BCAS1: variants seen among roughly 807,000 people sequenced by gnomAD.
The protein encoded by BCAS1 is breast carcinoma-amplified sequence 1.
A neutral mutation model predicts 65.4 loss-of-function variants in BCAS1; 46 were observed. That is an observed-to-expected ratio of 0.70 (90% confidence interval 0.55 to 0.90). The LOEUF (loss-of-function observed/expected upper bound fraction) is 0.90, where lower values mean the gene tolerates loss of function less well. Among genes scored for constraint, BCAS1 ranks in the 40% least tolerant of loss-of-function variants. The probability of loss-of-function intolerance (pLI) is 0.00; values close to 1 mark genes in which losing one functional copy is unlikely to be tolerated. For synonymous variants in BCAS1, 298 were observed against 293.5 expected, an observed-to-expected ratio of 1.02 and a Z score of -0.16; for missense variants, 793 against 771.2, an observed-to-expected ratio of 1.03 and a Z score of -0.33.
chr20:53,966,999 G>A lies in BCAS1; in HGVS notation c.1392C>T (p.Asn464=), dbSNP rs113552289. Reference sequence around the variant, plus strand: ...TGGGTTCAGGTGCAGCATCTCCTTCGTTGAGGTCCACTGTTTGTAAGGCTG... The same window carrying A: ...TGGGTTCAGGTGCAGCATCTCCTTCATTGAGGTCCACTGTTTGTAAGGCTG... ...VESALQTVDL[N]EGDAAPEPTE... is the part of the protein sequence containing the mutation. The change falls in exon 10 of 13, where the codon AAC becomes AAT. Residue 464 remains asparagine, a synonymous_variant. Transcript: ENST00000688948. The A allele has an allele frequency of 1.1e-3, 1,812 of 1,613,022 alleles. 6 individuals carry two copies. The highest frequency in any genetic ancestry group is 1.6e-3 in the Middle Eastern group (10 of 6,062).
chr20:53,945,926 C>T (rs537817285), intron 12 of BCAS1, among the ~76,000 whole-genome samples: 4 of 152,146 alleles, frequency 2.6e-5, no homozygotes, highest in African/African-American at 9.6e-5. Flanking sequence ...TGCACACCAC[C>T]AAACTCAGCT....
At chr20:53,981,824 G>A (rs1785346719) in intron 8 of BCAS1, among the ~76,000 whole-genome samples, 3 of 91,626 alleles carry the variant, frequency 3.3e-5, no homozygotes, top group Non-Finnish European at 4.9e-5. Context: ...GTGCGTGCGT[G>A]TGTGTGTGTG....
chr20:53,970,368 C>G (rs1373590256), intron 9 of BCAS1, among the ~76,000 whole-genome samples: 1 of 152,216 alleles, frequency 6.6e-6, no homozygotes, highest in African/African-American at 2.4e-5. Context: ...GGAAAATCCA[C>G]TGACATCCAG....
intron 9 of BCAS1, among the ~76,000 whole-genome samples, chr20:53,970,827 G>A (rs1042226837): frequency 2.0e-5 from 3 of 152,036 alleles, no homozygotes; most frequent in East Asian, 1.9e-4. Context: ...CATGCACAAC[G>A]TCATATTAAC....
intron 4 of BCAS1, among the ~76,000 whole-genome samples, chr20:54,009,229 A>T (rs1384361408): frequency 6.6e-6 from 1 of 152,238 alleles, no homozygotes; most frequent in Non-Finnish European, 1.5e-5. Context: ...TATAAAAATA[A>T]CTAAAATGGA....
chr20:53,963,427 G>A (rs2089941848), intron 10 of BCAS1, among the ~76,000 whole-genome samples: 1 of 151,928 alleles, frequency 6.6e-6, no homozygotes, highest in South Asian at 2.1e-4. Context: ...GTTGCAGCGG[G>A]CAGAGATTGT....
At chr20:54,019,515 C>A (rs2091510620) in intron 4 of BCAS1, among the ~76,000 whole-genome samples, 2 of 152,178 alleles carry the variant, frequency 1.3e-5, no homozygotes, top group African/African-American at 4.8e-5. Flanking sequence ...TAGGTGTCAA[C>A]TTGATTGGAT....
chr20:53,983,033 A>G (rs981659507), intron 8 of BCAS1, among the ~76,000 whole-genome samples: 3 of 152,232 alleles, frequency 2.0e-5, no homozygotes, highest in Non-Finnish European at 4.4e-5. Context: ...ATAGTGGCTC[A>G]AAAGACAGTG....
intron 3 of BCAS1, among the ~76,000 whole-genome samples, chr20:54,033,909 C>G (rs952557735): frequency 6.6e-6 from 1 of 151,328 alleles, no homozygotes; most frequent in Admixed American, 6.6e-5. Flanking sequence ...AAAATACTGG[C>G]AAACTGAATC....
At chr20:54,022,630 C>A (rs575911012) in intron 4 of BCAS1, among the ~76,000 whole-genome samples, 2 of 152,114 alleles carry the variant, frequency 1.3e-5, no homozygotes. Context: ...GCGACCTTAA[C>A]GCAGGTAACT....
chr20:53,995,419 A>T (rs1255986217), intron 5 of BCAS1, among the ~76,000 whole-genome samples: 1 of 151,210 alleles, frequency 6.6e-6, no homozygotes, highest in East Asian at 1.9e-4. Context: ...TTTTGAGGTT[A>T]GTCTTGATAT....
intron 4 of BCAS1, 59 bp downstream of exon 4, chr20:54,028,332 TC>T (rs766187729): frequency 1.9e-6 from 3 of 1,575,242 alleles, no homozygotes; most frequent in Admixed American, 3.3e-5. Context: ...AGTGGTCTTA[TC>T]CCATTAGCGC....
chr20:54,041,270 C>A (rs980800320), intron 3 of BCAS1, among the ~76,000 whole-genome samples: 17 of 151,238 alleles, frequency 1.1e-4, no homozygotes, highest in African/African-American at 4.1e-4. Context: ...ACACATGGTG[C>A]AAATATCCTT....
At chr20:53,986,369 ATG>A (rs2090616456) in intron 7 of BCAS1, among the ~76,000 whole-genome samples, 2 of 152,206 alleles carry the variant, frequency 1.3e-5, no homozygotes, top group African/African-American at 4.8e-5. Flanking sequence ...CCACTGAGTC[ATG>A]AGATAAAGGA....
At chr20:54,016,012 C>A (rs146494446) in intron 4 of BCAS1, among the ~76,000 whole-genome samples, 3 of 152,216 alleles carry the variant, frequency 2.0e-5, no homozygotes, top group Non-Finnish European at 2.9e-5. Context: ...TTTTATTCCA[C>A]GCTGCTCTTT....
At position 53,944,475 on chromosome 20, in the gene BCAS1, AT is replaced by A; in HGVS notation, c.*446del. On this transcript the variant is annotated 3_prime_UTR_variant, in exon 13 of 13. Transcript: ENST00000688948. ...AGGTGTGTGCCACCATGCCTGGCTA[AT>A]TTTTGTATTTTTAGTAGAGACGGGG... is the stretch of plus-strand genomic sequence containing the variant. 1 of 169,614 alleles carries A rather than the reference AT, an allele frequency of 5.9e-6. No homozygotes were observed. Among genetic ancestry groups the A allele is most frequent in the Non-Finnish European group, 1.3e-5 (1 of 78,192 alleles). The allele number at this position is 169,614 out of a possible 1,614,324, so 10.5% of individuals were successfully genotyped here. A position where few individuals can be genotyped will look rare whatever the true frequency, so the allele number is the denominator to read the frequency against.
At chr20:53,981,921 G>T (rs1179401764) in intron 8 of BCAS1, among the ~76,000 whole-genome samples, 1 of 152,102 alleles carries the variant, frequency 6.6e-6, no homozygotes, top group Non-Finnish European at 1.5e-5. Flanking sequence ...CTTAGGTGGT[G>T]TTAACACCAG....
intron 7 of BCAS1, among the ~76,000 whole-genome samples, chr20:53,992,300 C>T (rs183500203): frequency 6.6e-6 from 1 of 152,202 alleles, no homozygotes; most frequent in East Asian, 1.9e-4. Flanking sequence ...AACCCTGGTC[C>T]GCACTAGGAA....
At chr20:54,043,728 T>C (rs2092044841) in intron 3 of BCAS1, among the ~76,000 whole-genome samples, 1 of 152,196 alleles carries the variant, frequency 6.6e-6, no homozygotes, top group South Asian at 2.1e-4. Context: ...GGGGTGTTTC[T>C]GACTCAGGAG....
Sources: allele counts gnomAD v4.1 joint callset (sites outside exome capture counted in the v4.1 genomes callset), GRCh38; gene constraint gnomAD v4.1.1; transcripts MANE v1.5; gene names NCBI Gene and HGNC (gene_info 2026-07-23, HGNC 2026-07-21).